Variants in TSHR observed in about 807,000 individuals in gnomAD.
The protein encoded by TSHR is thyroid stimulating hormone receptor, also known as thyrotropin receptor.
TSHR carries 51 observed loss-of-function variants against 64.1 expected under a neutral mutation model. That is an observed-to-expected ratio of 0.80 (90% confidence interval 0.64 to 1.01). The LOEUF is 1.01. TSHR is among the 50% of genes least tolerant of loss of function. The probability of loss-of-function intolerance (pLI) is 0.00; values close to 1 mark genes in which losing one functional copy is unlikely to be tolerated. For synonymous variants in TSHR, 361 were observed against 361.9 expected, an observed-to-expected ratio of 1.00 and a Z score of 0.03; for missense variants, 877 against 942.8, an observed-to-expected ratio of 0.93 and a Z score of 0.91.
chr14:80,984,078 TGTGA>T (rs1224283992), intron 1 of TSHR, among the ~76,000 whole-genome samples: 1 of 152,224 alleles, frequency 6.6e-6, no homozygotes, highest in Non-Finnish European at 1.5e-5. Flanking sequence ...TGTGTGTGTG[TGTGA>T]GTGTGCACGT....
At chr14:81,090,740 G>A (rs10083503) in intron 4 of TSHR, among the ~76,000 whole-genome samples, 127,087 of 152,166 alleles carry the variant, frequency 0.84, 53,403 homozygotes, top group African/African-American at 0.92. Flanking sequence ...CCAATTAAAC[G>A]AGAAAATCAC....
chr14:81,092,349 C>G (rs962661729), intron 5 of TSHR, among the ~76,000 whole-genome samples, 182 bp from the exon 6 acceptor site: 1 of 152,188 alleles, frequency 6.6e-6, no homozygotes, highest in Non-Finnish European at 1.5e-5. Context: ...TCATCTAGGA[C>G]AGCTCTCACC....
Position 81,144,419 on chromosome 14 carries a change from C to A in TSHR, c.*66C>A. 1.3e-6 allele frequency: 2 copies of A among 1,526,672 alleles called. No individual in the cohort carries two copies. Among genetic ancestry groups the A allele is most frequent in the Non-Finnish European group, 1.8e-6 (2 of 1,107,940 alleles). The allele number at this position is 1,526,672 out of a possible 1,614,324, so 94.6% of individuals were successfully genotyped here. ...AATAATAGTTTCTTGAATATGCATT[C>A]CAATCCCATGACACCCCCAACACAT... On this transcript the variant is annotated 3_prime_UTR_variant, in exon 10 of 10. Coordinates refer to ENST00000298171, the MANE Select transcript of TSHR (RefSeq NM_000369.5).
chr14:81,062,441 C>A (rs1451833413), intron 2 of TSHR, among the ~76,000 whole-genome samples: 2 of 151,964 alleles, frequency 1.3e-5, no homozygotes, highest in Non-Finnish European at 2.9e-5. Context: ...AATTTAAATT[C>A]ATTTGATTTT....
chr14:81,033,557 G>GTTT (rs373369704), intron 1 of TSHR, among the ~76,000 whole-genome samples: 1,109 of 102,070 alleles, frequency 0.011, 5 homozygotes, highest in Non-Finnish European at 0.019. Context: ...TAAAATCAGG[G>GTTT]TTTTTTTTTT....
chr14:81,066,411 T>G (rs1886614076), intron 2 of TSHR, among the ~76,000 whole-genome samples: 1 of 152,220 alleles, frequency 6.6e-6, no homozygotes. Flanking sequence ...TAGAAATATA[T>G]TTGTATCAAA....
At chr14:81,032,406 T>A (rs1189760526) in intron 1 of TSHR, 1 of 243,052 alleles carries the variant, frequency 4.1e-6, no homozygotes, top group East Asian at 1.0e-4. Flanking sequence ...GTTGACACAC[T>A]GGTCAAAATG....
chr14:81,052,079 T>C (rs957004324), intron 1 of TSHR: 1 of 152,038 alleles, frequency 6.6e-6, no homozygotes, highest in Admixed American at 6.6e-5. Flanking sequence ...ATTTTGCTTT[T>C]GTTGCCTCTG....
chr14:81,121,323 G>A (rs887594656), intron 8 of TSHR, among the ~76,000 whole-genome samples: 1 of 152,112 alleles, frequency 6.6e-6, no homozygotes, highest in Admixed American at 6.6e-5. Flanking sequence ...TCTCAATGGC[G>A]ACATTGAAGA....
In TSHR at chr14:81,131,552, G is replaced by A. The variant is rs148797268; in HGVS notation, c.693-8127G>A. Among the ~76,000 whole-genome samples the A allele has an allele frequency of 7.2e-5, 11 of 152,256 alleles. No homozygotes were observed. In the East Asian group the frequency reaches 1.3e-3, roughly 19 times the overall value. On this transcript the variant is annotated intron_variant, in intron 8 of 9. Coordinates refer to ENST00000298171, the MANE Select transcript of TSHR (RefSeq NM_000369.5). ...CTCCCACATGTTCTATGCCCTCACC[G>A]TCTCAGCACCAGCAACACTGGCCTC... is the stretch of plus-strand genomic sequence containing the variant.
chr14:80,972,389 C>T (rs961988381), intron 1 of TSHR, among the ~76,000 whole-genome samples: 1 of 152,092 alleles, frequency 6.6e-6, no homozygotes, highest in African/African-American at 2.4e-5. Context: ...CAGTGGTCTT[C>T]CTTGGGAGGT....
intron 1 of TSHR, among the ~76,000 whole-genome samples, chr14:81,035,477 G>A (rs1398974531): frequency 6.6e-6 from 1 of 152,110 alleles, no homozygotes; most frequent in African/African-American, 2.4e-5. Flanking sequence ...GAGCTGCTTG[G>A]CTTTTTCTTC....
chr14:81,145,312 C>A lies in TSHR; in HGVS notation c.*959C>A. The A allele has an allele frequency of 4.3e-6, 1 of 233,104 alleles. No homozygotes were observed. The highest frequency in any genetic ancestry group is 8.5e-6 in the Non-Finnish European group (1 of 117,996). 14.4% of individuals were successfully genotyped at this position (233,104 alleles called of 1,614,324 possible). On this transcript the variant is annotated 3_prime_UTR_variant, in exon 10 of 10. Coordinates refer to ENST00000298171, the MANE Select transcript of TSHR (RefSeq NM_000369.5). ...TCTAAGATAAAGAGAAAGAAGAGCACTAAGTAAGTAGAATCTGTTTTTCCT... is the reference window on the plus strand; with the variant it reads ...TCTAAGATAAAGAGAAAGAAGAGCAATAAGTAAGTAGAATCTGTTTTTCCT...
At chr14:81,021,032 C>T (rs148440925) in intron 1 of TSHR, among the ~76,000 whole-genome samples, 1,796 of 151,932 alleles carry the variant, frequency 0.012, 21 homozygotes, top group African/African-American at 0.016. Flanking sequence ...AAAACAAGCT[C>T]GGGGCTCCCA....
At chr14:81,019,060 A>G (rs1238301125) in intron 1 of TSHR, among the ~76,000 whole-genome samples, 1 of 152,208 alleles carries the variant, frequency 6.6e-6, no homozygotes, top group African/African-American at 2.4e-5. Context: ...TTTTTAAGCA[A>G]TTGTAACAGA....
chr14:81,141,929 A>T (rs192715775), intron 9 of TSHR, among the ~76,000 whole-genome samples: 1 of 152,318 alleles, frequency 6.6e-6, no homozygotes, highest in Non-Finnish European at 1.5e-5. Flanking sequence ...TAAGAGCCTT[A>T]AAAAGATAAA....
At chr14:81,088,608 C>T (rs943773711) in intron 4 of TSHR, among the ~76,000 whole-genome samples, 4 of 152,136 alleles carry the variant, frequency 2.6e-5, no homozygotes, top group South Asian at 2.1e-4. Context: ...ACAGAGTAGG[C>T]GCTCAGTACA....
intron 1 of TSHR, among the ~76,000 whole-genome samples, chr14:81,004,374 C>T (rs28440011): frequency 0.19 from 28,845 of 152,132 alleles, 3,547 homozygotes; most frequent in East Asian, 0.38. Flanking sequence ...TAGACATGTA[C>T]TATACATAAA....
At position 80,988,512 on chromosome 14, in the gene TSHR, T is replaced by C. The variant is rs145224040; in HGVS notation, c.170+32662T>C. ...CTCCCACCAGGCCCCACCTCCAACATTGAGGATTACAATTTGACCTGAGAT... is the reference window on the plus strand; with the variant it reads ...CTCCCACCAGGCCCCACCTCCAACACTGAGGATTACAATTTGACCTGAGAT... On this transcript the variant is annotated intron_variant, in intron 1 of 9. Coordinates refer to ENST00000298171, the MANE Select transcript of TSHR (RefSeq NM_000369.5). Among the ~76,000 whole-genome samples, 123 of 152,276 alleles carry C rather than the reference T, an allele frequency of 8.1e-4. 2 individuals are homozygous for C. The highest frequency in any genetic ancestry group is 2.7e-3 in the African/African-American group (113 of 41,562).
Sources: allele counts gnomAD v4.1 joint callset (sites outside exome capture counted in the v4.1 genomes callset), GRCh38; gene constraint gnomAD v4.1.1; transcripts MANE v1.5; gene names NCBI Gene and HGNC (gene_info 2026-07-23, HGNC 2026-07-21).